The following GLIS3 variants were observed in gnomAD, a reference collection of about 807,000 sequenced individuals.
The protein encoded by GLIS3 is GLIS family zinc finger 3.
A neutral mutation model predicts 78.6 loss-of-function variants in GLIS3; 53 were observed. The observed-to-expected ratio is 0.67, with a 90% confidence interval of 0.54 to 0.85. The LOEUF (loss-of-function observed/expected upper bound fraction) is 0.85. Among genes scored for constraint, GLIS3 ranks in the 40% least tolerant of loss-of-function variants. GLIS3 has a pLI of 0.00. For missense variants in GLIS3, 1,703 were observed against 1,231.1 expected (o/e 1.38, Z -5.74); for synonymous variants, 684 against 509.9 (o/e 1.34, Z -4.60).
chr9:4,194,972 A>G (rs565080257), intron 2 of GLIS3, among the ~76,000 whole-genome samples: 3 of 151,942 alleles, frequency 2.0e-5, no homozygotes, highest in Non-Finnish European at 4.4e-5. Context: ...TGTAGCCACA[A>G]AGGCATTTTA....
At chr9:4,288,875 A>T (rs1033441802) in intron 1 of GLIS3, among the ~76,000 whole-genome samples, 16 of 152,198 alleles carry the variant, frequency 1.1e-4, no homozygotes, top group African/African-American at 3.6e-4. Context: ...CAAGACAAAA[A>T]TAAAAGAAAC....
At chr9:4,275,130 G>T (rs1488182219) in intron 2 of GLIS3, among the ~76,000 whole-genome samples, 1 of 152,126 alleles carries the variant, frequency 6.6e-6, no homozygotes, top group Non-Finnish European at 1.5e-5. Context: ...ATAGATAGAG[G>T]CATGGAAAGG....
intron 8 of GLIS3, among the ~76,000 whole-genome samples, chr9:3,856,862 T>G (rs1286365428): frequency 6.6e-6 from 1 of 152,068 alleles, no homozygotes; most frequent in Non-Finnish European, 1.5e-5. Flanking sequence ...AGTAAGACTA[T>G]TGGTGGTTTC....
chr9:4,223,503 C>T (rs79343234), intron 2 of GLIS3, among the ~76,000 whole-genome samples: 22 of 152,028 alleles, frequency 1.4e-4, no homozygotes, highest in Admixed American at 7.9e-4. Flanking sequence ...CTTTTAGAGA[C>T]CCACCTTTAT....
intron 2 of GLIS3, among the ~76,000 whole-genome samples, chr9:4,334,783 T>C (rs1307420033): frequency 6.6e-6 from 1 of 152,198 alleles, no homozygotes; most frequent in Non-Finnish European, 1.5e-5. Flanking sequence ...AACCTGGGGC[T>C]TGTCCAAGGC....
chr9:4,484,404 ATTTTTTTTTTT>A, the GLIS3 span, among the ~76,000 whole-genome samples: 17 of 49,770 alleles, frequency 3.4e-4, 2 homozygotes, highest in African/African-American at 1.3e-3. Flanking sequence ...TGCCAGGCTA[ATTTTTTTTTTT>A]TTTTTTTTTT....
At chr9:3,931,747 A>G (rs952467503) in intron 6 of GLIS3, among the ~76,000 whole-genome samples, 2 of 152,164 alleles carry the variant, frequency 1.3e-5, no homozygotes, top group African/African-American at 4.8e-5. Flanking sequence ...TTCCAAATCT[A>G]AGATATTATG....
intron 4 of GLIS3, among the ~76,000 whole-genome samples, chr9:4,055,489 G>C (rs1826069897): frequency 6.6e-6 from 1 of 152,124 alleles, no homozygotes. Context: ...TCAGGAGCTT[G>C]CACTCTTGAG....
chr9:3,839,412 GA>G (rs1252161169), intron 9 of GLIS3, among the ~76,000 whole-genome samples: 1 of 152,064 alleles, frequency 6.6e-6, no homozygotes, highest in East Asian at 1.9e-4. Flanking sequence ...TGGCATTTTG[GA>G]AAAATATTTT....
At chr9:4,468,820 C>G in the GLIS3 span, among the ~76,000 whole-genome samples, 1 of 152,078 alleles carries the variant, frequency 6.6e-6, no homozygotes, top group African/African-American at 2.4e-5. Flanking sequence ...CTAAATGCTC[C>G]AATTAAAAGA....
intron 2 of GLIS3, among the ~76,000 whole-genome samples, chr9:4,253,957 A>G (rs1370404816): frequency 6.6e-6 from 1 of 152,160 alleles, no homozygotes; most frequent in Non-Finnish European, 1.5e-5. Context: ...ACCAGTCCCA[A>G]TGACATGAGC....
the GLIS3 span, among the ~76,000 whole-genome samples, chr9:4,360,184 A>C: frequency 3.8e-4 from 58 of 152,312 alleles, 1 homozygote; most frequent in African/African-American, 1.3e-3. Flanking sequence ...GGAGGATTGG[A>C]ATCATCACCC....
chr9:4,373,243 C>T, the GLIS3 span, among the ~76,000 whole-genome samples: 2 of 152,172 alleles, frequency 1.3e-5, no homozygotes, highest in African/African-American at 4.8e-5. Context: ...ATCACGCATG[C>T]ATTAAGGCAG....
At chr9:4,222,493 A>T (rs943114878) in intron 2 of GLIS3, among the ~76,000 whole-genome samples, 5 of 152,178 alleles carry the variant, frequency 3.3e-5, no homozygotes, top group African/African-American at 1.2e-4. Flanking sequence ...TTTGTGAATC[A>T]CTTAACACTC....
chr9:4,304,660 G>T (rs565223220), upstream of GLIS3, among the ~76,000 whole-genome samples: 28 of 152,298 alleles, frequency 1.8e-4, no homozygotes, highest in African/African-American at 6.0e-4. Flanking sequence ...GAAGAAGGCA[G>T]CGCAGCACTG....
intron 2 of GLIS3, among the ~76,000 whole-genome samples, chr9:4,279,324 T>TAC (rs141790371): frequency 0.075 from 6,240 of 82,976 alleles, 475 homozygotes; most frequent in Non-Finnish European, 0.091. Flanking sequence ...AATATATATA[T>TAC]ACACACACAC....
chr9:4,181,626 C>A (rs1563710224), intron 2 of GLIS3, among the ~76,000 whole-genome samples: 2 of 152,234 alleles, frequency 1.3e-5, no homozygotes, highest in Non-Finnish European at 2.9e-5. Context: ...ATGCAAGTGA[C>A]TTTGCTATTC....
chr9:4,404,292 C>G, the GLIS3 span, among the ~76,000 whole-genome samples: 1 of 152,176 alleles, frequency 6.6e-6, no homozygotes, highest in Non-Finnish European at 1.5e-5. Context: ...CAACACCCCA[C>G]TTTCAGCATT....
the GLIS3 span, among the ~76,000 whole-genome samples, chr9:4,479,300 A>G: frequency 2.0e-5 from 3 of 152,188 alleles, no homozygotes; most frequent in Non-Finnish European, 4.4e-5. Context: ...ACCAAATGTC[A>G]TGTGTGGACT....
Sources: allele counts gnomAD v4.1 joint callset (sites outside exome capture counted in the v4.1 genomes callset), GRCh38; gene constraint gnomAD v4.1.1; transcripts MANE v1.5; gene names NCBI Gene and HGNC (gene_info 2026-07-23, HGNC 2026-07-21).